HAP1: variants seen among roughly 807,000 people sequenced by gnomAD.
The protein encoded by HAP1 is huntingtin associated protein 1.
Under a neutral mutation model 60.3 loss-of-function variants are expected in HAP1, and 59 were observed. The observed-to-expected ratio is 0.98, with a 90% CI of 0.79 to 1.22. HAP1 has a LOEUF of 1.22. Among genes scored for constraint, HAP1 ranks in the 50% most tolerant of loss-of-function variants. The pLI, the probability that HAP1 is intolerant of heterozygous loss-of-function variation, is 0.00. For synonymous variants in HAP1, 346 were observed against 330.6 expected (o/e 1.05, Z -0.50); for missense variants, 825 against 785.3 (o/e 1.05, Z -0.60).
chr17:41,733,324 G>A (rs1258799408), intron 1 of HAP1, among the ~76,000 whole-genome samples: 12 of 144,372 alleles, frequency 8.3e-5, no homozygotes, highest in African/African-American at 3.0e-4. Flanking sequence ...TGCTGGCTGG[G>A]ATTACAGGCG....
Position 41,725,047 on chromosome 17 carries a change from G to C in HAP1, c.1514C>G (p.Ala505Gly). ...CTCCTCCTGGGGCACGAACTCCTCCGCAGGCGTGAAATCTTCCCCCCGCAT... is the reference window on the plus strand; with the variant it reads ...CTCCTCCTGGGGCACGAACTCCTCCCCAGGCGTGAAATCTTCCCCCCGCAT... ...DIMRGEDFTP[A>G]EEFVPQEELG... Residue 505 changes from alanine (A) to glycine (G), a missense_variant, in exon 11 of 11, where the codon GCG (alanine) becomes GGG (glycine). Transcript: ENST00000347901. 10 of 1,612,260 alleles carry C rather than the reference G, an allele frequency of 6.2e-6. No individual in the cohort carries two copies. The highest frequency in any genetic ancestry group is 8.5e-6 in the Non-Finnish European group (10 of 1,179,086).
At chr17:41,733,352 CTTTTTTTTTTTT>C (rs1226491607) in intron 1 of HAP1, among the ~76,000 whole-genome samples, 1 of 74,676 alleles carries the variant, frequency 1.3e-5, no homozygotes, top group East Asian at 4.5e-4. Flanking sequence ...CCGCGCCCGG[CTTTTTTTTTTTT>C]TTTTTTTTTT....
chr17:41,720,623 T>C (rs1275511171), downstream of HAP1, among the ~76,000 whole-genome samples: 4 of 152,208 alleles, frequency 2.6e-5, no homozygotes, highest in African/African-American at 9.6e-5. Context: ...CAGCTCAAAA[T>C]AGTCCTTATG....
In HAP1 at chr17:41,734,574, C is replaced by G. The variant is rs202111294; in HGVS notation, c.61G>C (p.Ala21Pro). 249 of 1,596,470 alleles carry G rather than the reference C, an allele frequency of 1.6e-4. 1 individual carries two copies. The African/African-American group carries it at 3.1e-3, about 20-fold the overall frequency. The change falls in exon 1 of 11, where the codon GCA becomes CCA. Residue 21 changes from alanine to proline, a missense_variant. Ala to Pro is a conservative substitution (Grantham distance 27). Transcript: ENST00000347901. ...AGSRLGPGDPAALTCAPSPSA... is the reference protein window; with the variant it reads ...AGSRLGPGDPPALTCAPSPSA... ...GGCGAAGGTGCACAGGTGAGTGCTGCTGGGTCCCCGGGTCCGAGCCGGCTC... is the reference window on the plus strand; with the variant it reads ...GGCGAAGGTGCACAGGTGAGTGCTGGTGGGTCCCCGGGTCCGAGCCGGCTC...
Position 41,731,488 on chromosome 17 carries a change from C to G in HAP1, c.1069+5G>C, listed in dbSNP as rs576930154. 6.3e-7 allele frequency: 1 copy of G among 1,595,412 alleles called. No individual in the cohort carries two copies. Among genetic ancestry groups the G allele is most frequent in the Admixed American group, 1.7e-5 (1 of 59,986 alleles). On this transcript the variant is annotated splice_donor_5th_base_variant and intron_variant, in intron 6 of 10. Coordinates refer to ENST00000347901, the MANE Select transcript of HAP1 (RefSeq NM_177977.3). ...CCCCCCACCCCGAGTGACAACATTACGTACAAAACTGCTCCACACACTCCA... is the reference window on the plus strand; with the variant it reads ...CCCCCCACCCCGAGTGACAACATTAGGTACAAAACTGCTCCACACACTCCA...
Position 41,734,525 on chromosome 17 carries a change from G to C in HAP1, c.110C>G (p.Pro37Arg), listed in dbSNP as rs782246902. The C allele has an allele frequency of 1.2e-6, 2 of 1,611,666 alleles. No individual in the cohort carries two copies. Among genetic ancestry groups the C allele is most frequent in the South Asian group, 1.1e-5 (1 of 90,916 alleles). The change falls in exon 1 of 11, where the codon CCC becomes CGC. Residue 37 changes from proline (P) to arginine (R), a missense_variant. By Grantham distance (103) the Pro-to-Arg change is moderately radical. Transcript: ENST00000347901. ...GCCCCGTGCCTGCGGCTGCGCAGAG[G>C]GCTCCGGAGCGGGACTGGCTGAGGG... Reference protein sequence around the residue: ...PSPSASPAPEPSAQPQARGTG... With the variant: ...PSPSASPAPERSAQPQARGTG...
chr17:41,717,745 T>C, downstream of HAP1: 1 of 277,436 alleles, frequency 3.6e-6, no homozygotes, highest in East Asian at 7.7e-5. Flanking sequence ...GTAGTTGTTT[T>C]GTTTGCCAGT....
At chr17:41,731,398 C>G in intron 6 of HAP1, 95 bp downstream of exon 6, 1 of 856,872 alleles carries the variant, frequency 1.2e-6, no homozygotes, top group Non-Finnish European at 2.0e-6. Context: ...AGTGCCAGAT[C>G]TGGGACTTGA....
At position 41,724,597 on chromosome 17, in the gene HAP1, G is replaced by T; in HGVS notation, c.*104C>A. ...CTACGGTTCCCACTGAAGGGGATCA[G>T]AGGTGTCTATGCAAATGATATGCAA... On this transcript the variant is annotated 3_prime_UTR_variant, in exon 11 of 11. Transcript: ENST00000347901. 1 of 789,892 alleles carries T rather than the reference G, an allele frequency of 1.3e-6. No individual in the cohort carries two copies. Among genetic ancestry groups the T allele is most frequent in the Non-Finnish European group, 2.1e-6 (1 of 478,578 alleles). The allele number at this position is 789,892 out of a possible 1,614,324, so 48.9% of individuals were successfully genotyped here.
chr17:41,728,170 G>A lies in HAP1; in HGVS notation c.1200+31C>T, dbSNP rs367835506. On this transcript the variant is annotated intron_variant, in intron 7 of 10. Coordinates refer to ENST00000347901, the MANE Select transcript of HAP1 (RefSeq NM_177977.3). ...GGAAGCTAGGGTCCCATGGGGCCAC[G>A]ACAAGAGGGTTCCACACACACCCGA... 80 of 1,604,540 alleles carry A rather than the reference G, an allele frequency of 5.0e-5. 1 individual carries two copies. In the Middle Eastern group the frequency reaches 6.6e-4, roughly 13 times the overall value.
chr17:41,725,560 C>G (rs921513389), intron 10 of HAP1, among the ~76,000 whole-genome samples: 32 of 152,200 alleles, frequency 2.1e-4, no homozygotes, highest in African/African-American at 7.5e-4. Context: ...AGGGACCACG[C>G]TGGGCCTTAG....
chr17:41,724,592 G>A lies in HAP1; in HGVS notation c.*109C>T. ...TGACACTACGGTTCCCACTGAAGGGGATCAGAGGTGTCTATGCAAATGATA... is the reference window on the plus strand; with the variant it reads ...TGACACTACGGTTCCCACTGAAGGGAATCAGAGGTGTCTATGCAAATGATA... On this transcript the variant is annotated 3_prime_UTR_variant, in exon 11 of 11. Coordinates refer to ENST00000347901, the MANE Select transcript of HAP1 (RefSeq NM_177977.3). The A allele has an allele frequency of 1.3e-6, 1 of 767,800 alleles. No homozygotes were observed. The highest frequency in any genetic ancestry group is 2.2e-6 in the Non-Finnish European group (1 of 458,784). The allele number at this position is 767,800 out of a possible 1,614,324, so 47.6% of individuals were successfully genotyped here.
chr17:41,734,451 A>G lies in HAP1; in HGVS notation c.184T>C (p.Ser62Pro), dbSNP rs1555592113. ...SRATSGSQFL[S>P]EARTGARPAS... ...GGGCGAGCTCCGGTGCGGGCTTCCGAGAGGAACTGGGATCCAGAGGTGGCT... is the reference window on the plus strand; with the variant it reads ...GGGCGAGCTCCGGTGCGGGCTTCCGGGAGGAACTGGGATCCAGAGGTGGCT... The change falls in exon 1 of 11, where the codon TCG becomes CCG. Residue 62 changes from serine (S) to proline (P), a missense_variant. Physicochemically the swap from Ser to Pro is moderately conservative, Grantham distance 74. Coordinates refer to ENST00000347901, the MANE Select transcript of HAP1 (RefSeq NM_177977.3). 1.2e-5 allele frequency: 20 copies of G among 1,608,800 alleles called. No homozygotes were observed. Among genetic ancestry groups the G allele is most frequent in the Non-Finnish European group, 1.7e-5 (20 of 1,176,890 alleles).
chr17:41,727,296 AC>A (rs782475367), intron 8 of HAP1, 152 bp from the exon 9 acceptor site: 2 of 780,746 alleles, frequency 2.6e-6, no homozygotes, highest in Admixed American at 3.4e-5. Flanking sequence ...GAGGGTCCTC[AC>A]CAGAGGCACG....
In HAP1 at chr17:41,734,243, G is replaced by A. The variant is rs1912510891; in HGVS notation, c.392C>T (p.Thr131Met). ...TCGCCGGCCAACGTAGGCGGCTGGC[G>A]TCTTCCAGATGCCCGCTGCCTTTCC... is the stretch of plus-strand genomic sequence containing the variant. ...GTGKAAGIWK[T>M]PAAYVGRRPG... is the part of the protein sequence containing the mutation. The change falls in exon 1 of 11, where the codon ACG (threonine) becomes ATG (methionine). Residue 131 changes from threonine to methionine, a missense_variant. Thr to Met is a moderately conservative substitution (Grantham distance 81). Coordinates refer to ENST00000347901, the MANE Select transcript of HAP1 (RefSeq NM_177977.3). The A allele has an allele frequency of 1.2e-6, 2 of 1,601,396 alleles. No individual in the cohort carries two copies. The highest frequency in any genetic ancestry group is 1.7e-5 in the Admixed American group (1 of 59,720).
At chr17:41,719,731 T>C (rs1269057655), downstream of HAP1, among the ~76,000 whole-genome samples, 1 of 151,528 alleles carries the variant, frequency 6.6e-6, no homozygotes, top group East Asian at 1.9e-4. Flanking sequence ...CAGTATTTAG[T>C]AAACAAATAA....
Position 41,724,463 on chromosome 17 carries a change from G to T in HAP1, c.*238C>A. On this transcript the variant is annotated 3_prime_UTR_variant, in exon 11 of 11. Coordinates refer to ENST00000347901, the MANE Select transcript of HAP1 (RefSeq NM_177977.3). ...AAGCGGGCAGAGATGGGAAGCTGAG[G>T]CGCAGTGTGGGGGCACAGTCCCAGC... 3.8e-6 allele frequency: 2 copies of T among 521,580 alleles called. No homozygotes were observed. The highest frequency in any genetic ancestry group is 6.0e-5 in the East Asian group (2 of 33,126). 32.3% of individuals were successfully genotyped at this position (521,580 alleles called of 1,614,324 possible).
downstream of HAP1, among the ~76,000 whole-genome samples, chr17:41,719,850 A>G (rs2143158006): frequency 6.6e-6 from 1 of 152,200 alleles, no homozygotes; most frequent in East Asian, 1.9e-4. Flanking sequence ...TATGGAAACC[A>G]AAAAAATAAT....
chr17:41,718,585 T>C (rs1911074569), downstream of HAP1, among the ~76,000 whole-genome samples: 1 of 152,232 alleles, frequency 6.6e-6, no homozygotes, highest in Non-Finnish European at 1.5e-5. Flanking sequence ...GGTGGCTAAC[T>C]GTGCATGGGA....
Sources: allele counts gnomAD v4.1 joint callset (sites outside exome capture counted in the v4.1 genomes callset), GRCh38; gene constraint gnomAD v4.1.1; transcripts MANE v1.5; gene names NCBI Gene and HGNC (gene_info 2026-07-23, HGNC 2026-07-21).